PPP1R13B: variants seen among roughly 807,000 people sequenced by gnomAD.
The protein encoded by PPP1R13B is protein phosphatase 1 regulatory subunit 13B.
In PPP1R13B, 44 loss-of-function variants were observed where a neutral mutation model predicts 119.8. The ratio of observed to expected loss-of-function variants is 0.37; its 90% CI spans 0.29 to 0.47. The LOEUF (loss-of-function observed/expected upper bound fraction) is 0.47. PPP1R13B is among the 20% of genes least tolerant of loss of function. The pLI is 0.99. For missense variants in PPP1R13B, 1,227 were observed against 1,413.5 expected (o/e 0.87, Z 2.12); for synonymous variants, 542 against 561.5 (o/e 0.97, Z 0.49).
intron 12 of PPP1R13B, 87 bp from the exon 13 acceptor site, chr14:103,739,110 T>A: frequency 2.0e-6 from 3 of 1,529,078 alleles, no homozygotes. Flanking sequence ...TGGTGGGAGC[T>A]AAAGCCCAAA....
intron 1 of PPP1R13B, among the ~76,000 whole-genome samples, chr14:103,827,061 A>G (rs1225859978): frequency 4.0e-5 from 6 of 151,090 alleles, no homozygotes; most frequent in Non-Finnish European, 2.9e-5. Context: ...ACGGTGGCAC[A>G]CGCCAGTAAT....
Position 103,735,004 on chromosome 14 carries a change from A to C in PPP1R13B, c.*150T>G, listed in dbSNP as rs781145152. 1.8e-5 allele frequency: 16 copies of C among 891,272 alleles called. No homozygotes were observed. The South Asian group carries it at 2.1e-4, about 12-fold the overall frequency. The allele number at this position is 891,272 out of a possible 1,614,324, so 55.2% of individuals were successfully genotyped here. The stretch of plus-strand genomic sequence containing the variant: ...AAACTGGAGAAAGGGCCTCACCTGG[A>C]AACTGTAGGATTCACATTGTGGACG... On this transcript the variant is annotated 3_prime_UTR_variant, in exon 17 of 17. Coordinates refer to ENST00000202556, the MANE Select transcript of PPP1R13B (RefSeq NM_015316.3).
At chr14:103,771,226 C>T (rs1247868639) in intron 4 of PPP1R13B, among the ~76,000 whole-genome samples, 1 of 152,086 alleles carries the variant, frequency 6.6e-6, no homozygotes, top group Non-Finnish European at 1.5e-5. Context: ...TGCCTAGTTA[C>T]TGACAAAGGC....
At chr14:103,786,766 C>CA (rs1174732049) in intron 2 of PPP1R13B, among the ~76,000 whole-genome samples, 451 of 44,464 alleles carry the variant, frequency 0.01, 15 homozygotes, top group Middle Eastern at 0.025. Context: ...AACTCTGTCT[C>CA]AAAAAAAAAA....
At position 103,753,198 on chromosome 14, in the gene PPP1R13B, T is replaced by TATA. The variant is rs1395164453; in HGVS notation, c.632-5_632-3dup. On this transcript the variant is annotated splice_region_variant and splice_polypyrimidine_tract_variant and intron_variant, in intron 6 of 16. Transcript: ENST00000202556. The stretch of plus-strand genomic sequence containing the variant: ...CACTGAACCTTTCTATTTCAGCAGC[T>TATA]ATAATTGACCACACAAGAAAAGAAT... The TATA allele has an allele frequency of 6.2e-7, 1 of 1,604,400 alleles. No homozygotes were observed. The highest frequency in any genetic ancestry group is 1.3e-5 in the African/African-American group (1 of 74,208).
rs80113576 is a variant in PPP1R13B at position 103,841,636 on chromosome 14, C to G, written c.9+5663G>C. ...AAAATTTTTTTAAATATTGTCCTGT[C>G]TTTGGTGTTTGTTTACTGAATTAGG... On this transcript the variant is annotated intron_variant, in intron 1 of 16. Coordinates refer to ENST00000202556, the MANE Select transcript of PPP1R13B (RefSeq NM_015316.3). Among the ~76,000 whole-genome samples, 761 of 152,136 alleles carry G rather than the reference C, an allele frequency of 5.0e-3. 4 individuals carry two copies. Among genetic ancestry groups the G allele is most frequent in the African/African-American group, 0.018 (730 of 41,526 alleles).
At chr14:103,792,853 G>A (rs1489481951) in intron 2 of PPP1R13B, among the ~76,000 whole-genome samples, 2 of 151,916 alleles carry the variant, frequency 1.3e-5, no homozygotes, top group South Asian at 2.1e-4. Flanking sequence ...GGTGGATCAC[G>A]AGGTCAGGAG....
chr14:103,792,224 G>A (rs61995810), intron 2 of PPP1R13B, among the ~76,000 whole-genome samples: 9,423 of 142,736 alleles, frequency 0.066, 378 homozygotes, highest in Admixed American at 0.16. Context: ...AGACAGGGTC[G>A]CACTCTGTCC....
intron 1 of PPP1R13B, chr14:103,804,135 T>C (rs1368300820): frequency 2.5e-6 from 2 of 787,702 alleles, no homozygotes; most frequent in Non-Finnish European, 1.5e-6. Context: ...TACTAGACCA[T>C]AAGGACAATA....
intron 1 of PPP1R13B, among the ~76,000 whole-genome samples, chr14:103,820,939 G>A (rs1196001628): frequency 1.3e-5 from 2 of 152,096 alleles, no homozygotes; most frequent in South Asian, 2.1e-4. Context: ...TGTAATTTGA[G>A]TTAGTAAGCA....
chr14:103,756,676 T>G (rs1037992532), intron 5 of PPP1R13B, among the ~76,000 whole-genome samples: 2 of 152,158 alleles, frequency 1.3e-5, no homozygotes, highest in Non-Finnish European at 2.9e-5. Context: ...GCTTTCTTCT[T>G]GAACATTAAT....
At chr14:103,753,311 T>C in intron 6 of PPP1R13B, 115 bp from the exon 7 acceptor site, 2 of 1,052,302 alleles carry the variant, frequency 1.9e-6, no homozygotes, top group Middle Eastern at 3.2e-4. Flanking sequence ...TGGAGAAAGC[T>C]GTGATATGCA....
chr14:103,787,483 G>A lies in PPP1R13B; in HGVS notation c.158-2569C>T, dbSNP rs145356496. Among the ~76,000 whole-genome samples, 673 of 150,176 alleles carry A rather than the reference G, an allele frequency of 4.5e-3. 1 individual carries two copies. Among genetic ancestry groups the A allele is most frequent in the Non-Finnish European group, 6.1e-3 (412 of 67,638 alleles). On this transcript the variant is annotated intron_variant, in intron 2 of 16. Coordinates refer to ENST00000202556, the MANE Select transcript of PPP1R13B (RefSeq NM_015316.3). ...AAAAAGAAAGTTCATATCAGCTCAC[G>A]TGCTCTATCAAGAAGCACTGAAAAG...
chr14:103,760,323 T>G (rs1487839681), intron 4 of PPP1R13B, among the ~76,000 whole-genome samples: 3 of 152,238 alleles, frequency 2.0e-5, no homozygotes, highest in African/African-American at 7.2e-5. Flanking sequence ...AAACTCAATT[T>G]ATTCAAACAA....
rs1454339264 is a variant in PPP1R13B at position 103,735,155 on chromosome 14, C to T, written c.3272G>A (p.Ter1091=). 4.3e-6 allele frequency: 7 copies of T among 1,614,032 alleles called. No homozygotes were observed. Among genetic ancestry groups the T allele is most frequent in the Non-Finnish European group, 5.9e-6 (7 of 1,180,020 alleles). Residue 1091 remains the stop codon, a stop_retained_variant, in exon 17 of 17, where the codon TGA becomes TAA. Coordinates refer to ENST00000202556, the MANE Select transcript of PPP1R13B (RefSeq NM_015316.3). ...CCATGCGGTGCTCCAAAAGGAAGTT[C>T]AGGCGAGTGTTCGCTGTCGGGGTTT... ...RIKPRQRTLA[*]
At chr14:103,799,008 TG>T (rs2085829482) in intron 1 of PPP1R13B, among the ~76,000 whole-genome samples, 1 of 150,990 alleles carries the variant, frequency 6.6e-6, no homozygotes, top group East Asian at 2.0e-4. Context: ...TTTGTTTGTT[TG>T]TTTTTCTTGA....
At chr14:103,765,990 TTATTA>T (rs201117530) in intron 4 of PPP1R13B, among the ~76,000 whole-genome samples, 3,581 of 143,258 alleles carry the variant, frequency 0.025, 132 homozygotes, top group African/African-American at 0.08. Context: ...TTTTATTTTA[TTATTA>T]TTATTATTAT....
At position 103,734,779 on chromosome 14, in the gene PPP1R13B, A is replaced by G; in HGVS notation, c.*375T>C. The G allele has an allele frequency of 2.2e-6, 1 of 463,598 alleles. No individual in the cohort carries two copies. The highest frequency in any genetic ancestry group is 4.3e-6 in the Non-Finnish European group (1 of 232,930). 28.7% of individuals were successfully genotyped at this position (463,598 alleles called of 1,614,324 possible). On this transcript the variant is annotated 3_prime_UTR_variant, in exon 17 of 17. Coordinates refer to ENST00000202556, the MANE Select transcript of PPP1R13B (RefSeq NM_015316.3). The stretch of plus-strand genomic sequence containing the variant: ...GGGAGCAGGCCTCACAGCGGCGGAC[A>G]GTGTTCACTGCTGGAGGGGGTGATG...
intron 2 of PPP1R13B, among the ~76,000 whole-genome samples, chr14:103,795,519 T>C (rs937346498): frequency 6.6e-6 from 1 of 152,170 alleles, no homozygotes; most frequent in Non-Finnish European, 1.5e-5. Context: ...GTGACTCGTA[T>C]GAGAGAGACA....
Sources: allele counts gnomAD v4.1 joint callset (sites outside exome capture counted in the v4.1 genomes callset), GRCh38; gene constraint gnomAD v4.1.1; transcripts MANE v1.5; gene names NCBI Gene and HGNC (gene_info 2026-07-23, HGNC 2026-07-21).